THSD7A: variants seen among roughly 807,000 people sequenced by gnomAD.
THSD7A encodes the protein thrombospondin type-1 domain-containing protein 7A.
THSD7A carries 96 observed loss-of-function variants against 231.3 expected under a neutral mutation model. The ratio of observed to expected loss-of-function variants is 0.41; its 90% CI spans 0.35 to 0.49. The LOEUF is 0.49. Ranked by LOEUF, THSD7A falls within the 20% of genes least tolerant of loss-of-function variation. The probability of loss-of-function intolerance (pLI) is 0.05; values close to 1 mark genes in which losing one functional copy is unlikely to be tolerated. For synonymous variants in THSD7A, 940 were observed against 743.3 expected (o/e 1.26, Z -4.30); for missense variants, 2,290 against 2,070.2 (o/e 1.11, Z -2.06).
intron 4 of THSD7A, among the ~76,000 whole-genome samples, chr7:11,577,391 A>G (rs1303566748): frequency 1.3e-5 from 2 of 152,088 alleles, no homozygotes; most frequent in African/African-American, 4.8e-5. Flanking sequence ...ATCTTGGCTC[A>G]TTGCAACCTC....
chr7:11,780,633 C>T (rs1488456825), intron 1 of THSD7A, among the ~76,000 whole-genome samples: 6 of 152,168 alleles, frequency 3.9e-5, no homozygotes, highest in Non-Finnish European at 7.3e-5. Context: ...ACTGCATCCT[C>T]GTGAAAAACT....
intron 1 of THSD7A, among the ~76,000 whole-genome samples, chr7:11,660,911 T>A (rs1782903652): frequency 6.6e-6 from 1 of 151,462 alleles, no homozygotes; most frequent in Admixed American, 6.6e-5. Flanking sequence ...CAGAGACATA[T>A]TAATGCAGCA....
At chr7:11,506,158 A>AT (rs970983136) in intron 6 of THSD7A, among the ~76,000 whole-genome samples, 22 of 151,568 alleles carry the variant, frequency 1.5e-4, no homozygotes, top group Admixed American at 6.6e-4. Context: ...CGCCTGGCTA[A>AT]TTTTTTGTAT....
chr7:11,820,632 C>A, intron 1 of THSD7A: 1 of 753,886 alleles, frequency 1.3e-6, no homozygotes, highest in Non-Finnish European at 2.4e-6. Flanking sequence ...AAAGTTTCCT[C>A]GAGCGCTCTG....
At chr7:11,505,446 G>T (rs994670143) in intron 6 of THSD7A, among the ~76,000 whole-genome samples, 1 of 144,594 alleles carries the variant, frequency 6.9e-6, no homozygotes, top group African/African-American at 2.5e-5. Flanking sequence ...CCAGTGTAAA[G>T]TTTTTTTTTT....
chr7:11,787,609 G>A (rs145092386), intron 1 of THSD7A, among the ~76,000 whole-genome samples: 1,644 of 152,018 alleles, frequency 0.011, 87 homozygotes, highest in Admixed American at 0.091. Flanking sequence ...CTAAACAGCC[G>A]CTACACCAAA....
chr7:11,439,205 C>A (rs112453101), intron 13 of THSD7A, among the ~76,000 whole-genome samples: 1 of 152,032 alleles, frequency 6.6e-6, no homozygotes, highest in African/African-American at 2.4e-5. Context: ...ATGCATTACA[C>A]AGAGTAATAA....
At chr7:11,693,579 C>T (rs1249733101) in intron 1 of THSD7A, among the ~76,000 whole-genome samples, 3 of 151,484 alleles carry the variant, frequency 2.0e-5, no homozygotes, top group Admixed American at 6.6e-5. Context: ...CGTAAGTAGA[C>T]ACCATCATGT....
chr7:11,788,085 T>G (rs577047437), intron 1 of THSD7A, among the ~76,000 whole-genome samples: 1 of 152,082 alleles, frequency 6.6e-6, no homozygotes, highest in Admixed American at 6.6e-5. Context: ...TTCCTCTTAA[T>G]GACACCACCA....
chr7:11,473,856 C>G (rs533386218), intron 8 of THSD7A, among the ~76,000 whole-genome samples: 64 of 152,196 alleles, frequency 4.2e-4, no homozygotes, highest in Admixed American at 3.9e-4. Context: ...TTGAAAGACG[C>G]AGTAAGTATG....
chr7:11,440,223 G>T (rs923240337), intron 13 of THSD7A, among the ~76,000 whole-genome samples: 4 of 151,894 alleles, frequency 2.6e-5, no homozygotes, highest in African/African-American at 9.7e-5. Flanking sequence ...GAGACCTACT[G>T]CTCAGAAAAA....
intron 6 of THSD7A, among the ~76,000 whole-genome samples, chr7:11,506,769 G>C (rs1435080051): frequency 6.6e-6 from 1 of 151,932 alleles, no homozygotes; most frequent in East Asian, 1.9e-4. Context: ...GCTTATTCTG[G>C]GAATTCTGAT....
chr7:11,575,482 T>C (rs746808768), intron 4 of THSD7A, among the ~76,000 whole-genome samples: 2 of 152,214 alleles, frequency 1.3e-5, no homozygotes, highest in Admixed American at 6.5e-5. Context: ...TGTCAAGCCT[T>C]TCAATTTCCA....
chr7:11,579,496 A>G (rs17164819), intron 4 of THSD7A, among the ~76,000 whole-genome samples: 45,638 of 152,040 alleles, frequency 0.3, 6,999 homozygotes, highest in South Asian at 0.41. Context: ...AAAAGCACGG[A>G]TACTATAGTC....
intron 14 of THSD7A, among the ~76,000 whole-genome samples, chr7:11,427,035 T>C (rs1291624973): frequency 6.6e-6 from 1 of 152,174 alleles, no homozygotes; most frequent in East Asian, 1.9e-4. Flanking sequence ...CTGTTGTCTA[T>C]CAGTATATTT....
At chr7:11,445,778 G>A (rs1303959479) in intron 13 of THSD7A, among the ~76,000 whole-genome samples, 1 of 151,938 alleles carries the variant, frequency 6.6e-6, no homozygotes, top group Admixed American at 6.6e-5. Context: ...GATAAGCTCT[G>A]GGGGACCGTT....
At chr7:11,769,155 T>TATATATATATATATATA (rs1562541467) in intron 1 of THSD7A, among the ~76,000 whole-genome samples, 2 of 39,968 alleles carry the variant, frequency 5.0e-5, no homozygotes, top group Admixed American at 3.3e-4. Flanking sequence ...ATATATATAT[T>TATATATATATATATATA]TTTTTTTTTT....
intron 6 of THSD7A, among the ~76,000 whole-genome samples, chr7:11,525,202 A>G (rs1175909795): frequency 6.6e-6 from 1 of 152,142 alleles, no homozygotes; most frequent in Non-Finnish European, 1.5e-5. Flanking sequence ...TCTGTTTGTC[A>G]TTTTCCCCTA....
chr7:11,612,124 C>T (rs1396267913), intron 2 of THSD7A, among the ~76,000 whole-genome samples: 1 of 152,092 alleles, frequency 6.6e-6, no homozygotes, highest in Non-Finnish European at 1.5e-5. Context: ...CGTGTCCCTC[C>T]AAAGGTTCTA....
Sources: allele counts gnomAD v4.1 joint callset (sites outside exome capture counted in the v4.1 genomes callset), GRCh38; gene constraint gnomAD v4.1.1; transcripts MANE v1.5; gene names NCBI Gene and HGNC (gene_info 2026-07-23, HGNC 2026-07-21).